Variants in MPDZ observed in about 807,000 individuals in gnomAD.
MPDZ encodes multiple PDZ domain protein.
Under a neutral mutation model 239.1 loss-of-function variants are expected in MPDZ, and 234 were observed. The observed-to-expected ratio is 0.98, with a 90% confidence interval of 0.88 to 1.09. MPDZ has a LOEUF of 1.09. Among genes scored for constraint, MPDZ ranks in the 50% least tolerant of loss-of-function variants. The pLI is 0.00. For missense variants in MPDZ, 3,175 were observed against 2,510.0 expected, an observed-to-expected ratio of 1.26 and a Z score of -5.66; for synonymous variants, 1,048 against 881.3, an observed-to-expected ratio of 1.19 and a Z score of -3.35.
chr9:13,247,905 G>C (rs867136953), intron 2 of MPDZ, 104 bp from the exon 3 acceptor site: 1 of 1,084,622 alleles, frequency 9.2e-7, no homozygotes, highest in Non-Finnish European at 1.3e-6. Context: ...TCTATTGAGT[G>C]CATAAAATTG....
At chr9:13,183,046 A>G (rs1049774385) in intron 19 of MPDZ, among the ~76,000 whole-genome samples, 3 of 152,166 alleles carry the variant, frequency 2.0e-5, no homozygotes, top group Non-Finnish European at 4.4e-5. Flanking sequence ...AACTTTGCAT[A>G]GAAGTCAGTT....
At chr9:13,236,921 G>A (rs1045161361) in intron 3 of MPDZ, among the ~76,000 whole-genome samples, 8 of 150,274 alleles carry the variant, frequency 5.3e-5, no homozygotes, top group East Asian at 3.9e-4. Context: ...TTTCAAATAC[G>A]TTTGATCTTT....
At chr9:13,165,426 C>T (rs968300013) in intron 22 of MPDZ, 65 of 1,548,082 alleles carry the variant, frequency 4.2e-5, no homozygotes, top group South Asian at 8.4e-5. Flanking sequence ...GTGAAGCATA[C>T]GCCGCGGCAT....
Position 13,224,401 on chromosome 9 carries a change from A to G in MPDZ, c.366T>C (p.Phe122=). 1.2e-6 allele frequency: 2 copies of G among 1,612,654 alleles called. No individual in the cohort carries two copies. The highest frequency in any genetic ancestry group is 1.7e-6 in the Non-Finnish European group (2 of 1,179,150). The change falls in exon 4 of 47, where the codon TTT becomes TTC. Residue 122 remains phenylalanine (F), a synonymous_variant. Coordinates refer to ENST00000319217, the MANE Select transcript of MPDZ (RefSeq NM_001378778.1). ...HINGKPACDE[F]DQLIKNMAQG... The stretch of plus-strand genomic sequence containing the variant: ...GGGCCATATTTTTGATAAGCTGATC[A>G]AATTCATCACAAGCAGGTTTCCCAT...
intron 3 of MPDZ, among the ~76,000 whole-genome samples, chr9:13,238,763 T>C (rs1964694590): frequency 1.3e-5 from 2 of 152,112 alleles, no homozygotes; most frequent in Admixed American, 1.3e-4. Context: ...GAGGCAAGAT[T>C]TTCTTCAAAA....
At chr9:13,234,077 A>G (rs1270584661) in intron 3 of MPDZ, among the ~76,000 whole-genome samples, 7 of 152,128 alleles carry the variant, frequency 4.6e-5, no homozygotes, top group Non-Finnish European at 1.0e-4. Flanking sequence ...TTGCATACCA[A>G]ATTCTTTTTT....
chr9:13,149,762 A>G (rs1444027211), intron 25 of MPDZ, among the ~76,000 whole-genome samples: 1 of 152,062 alleles, frequency 6.6e-6, no homozygotes, highest in Non-Finnish European at 1.5e-5. Flanking sequence ...TTTGCTTTGA[A>G]TTAAGAGATT....
At chr9:13,206,777 C>T (rs1400450757) in intron 10 of MPDZ, among the ~76,000 whole-genome samples, 2 of 151,998 alleles carry the variant, frequency 1.3e-5, no homozygotes, top group South Asian at 2.1e-4. Context: ...CTCTTGACCT[C>T]GTGATCTGCC....
intron 12 of MPDZ, among the ~76,000 whole-genome samples, chr9:13,201,995 T>C (rs1956441653): frequency 6.6e-6 from 1 of 152,190 alleles, no homozygotes; most frequent in Admixed American, 6.6e-5. Flanking sequence ...TTGGTTTCTT[T>C]TGGTAGTATC....
rs550687243 is a variant in MPDZ, at chr9:13,116,229, T to C, written c.5380-895A>G. On this transcript the variant is annotated intron_variant, in intron 39 of 46. Transcript: ENST00000319217. ...TAATATGAAGTAGCACAAGAAGGTG[T>C]TTGAGATCCTGTTTTGGAGTCACTG... Among the ~76,000 whole-genome samples, 17 of 152,258 alleles carry C rather than the reference T, an allele frequency of 1.1e-4. No individual in the cohort carries two copies. In the South Asian group the frequency reaches 3.1e-3, roughly 28 times the overall value.
intron 9 of MPDZ, 50 bp downstream of exon 9, chr9:13,217,130 T>C (rs1958446761): frequency 1.7e-6 from 2 of 1,164,802 alleles, no homozygotes; most frequent in Non-Finnish European, 2.5e-6. Flanking sequence ...AAGAGATAGA[T>C]ATCAGAGGTA....
At chr9:13,254,173 G>C (rs1158671599) in intron 1 of MPDZ, among the ~76,000 whole-genome samples, 2 of 152,186 alleles carry the variant, frequency 1.3e-5, no homozygotes, top group African/African-American at 2.4e-5. Flanking sequence ...AAATGGAATA[G>C]ACTGTTGTAG....
In MPDZ at chr9:13,279,614, C is replaced by G. The variant is rs1488080100; in HGVS notation, c.-272G>C. 1 of 149,844 alleles carries G rather than the reference C, an allele frequency of 6.7e-6. No homozygotes were observed. The highest frequency in any genetic ancestry group is 1.5e-5 in the Non-Finnish European group (1 of 67,286). The allele number at this position is 149,844 out of a possible 1,614,324, so 9.3% of individuals were successfully genotyped here. A position where few individuals can be genotyped will look rare whatever the true frequency, so the allele number is the denominator to read the frequency against. ...GGTGGCCCGACGCCAGCCTAGCGCT[C>G]CGCCGCGCCCCCTCCCCCAGCGCGC... On this transcript the variant is annotated 5_prime_UTR_variant, in exon 1 of 47. Coordinates refer to ENST00000319217, the MANE Select transcript of MPDZ (RefSeq NM_001378778.1).
At chr9:13,139,843 A>G (rs1947371797) in intron 28 of MPDZ, 144 bp downstream of exon 28, 1 of 987,662 alleles carries the variant, frequency 1.0e-6, no homozygotes, top group Non-Finnish European at 1.6e-6. Flanking sequence ...TTCAAGCAAA[A>G]CAAACACTAT....
intron 9 of MPDZ, 93 bp downstream of exon 9, chr9:13,217,087 C>A: frequency 1.0e-6 from 1 of 969,468 alleles, no homozygotes; most frequent in African/African-American, 1.7e-5. Context: ...TATCCAACAA[C>A]CTGAAACATG....
At chr9:13,276,445 C>A (rs577522233) in intron 1 of MPDZ, 2 of 152,094 alleles carry the variant, frequency 1.3e-5, no homozygotes, top group East Asian at 1.9e-4. Flanking sequence ...AAAAATGAAA[C>A]CTTTATTGTT....
intron 3 of MPDZ, among the ~76,000 whole-genome samples, chr9:13,241,189 C>A (rs1032579307): frequency 2.6e-5 from 4 of 152,116 alleles, no homozygotes. Flanking sequence ...ATAAACTTTA[C>A]GGTAAATGTA....
chr9:13,233,108 T>G (rs1012226047), intron 3 of MPDZ, among the ~76,000 whole-genome samples: 1 of 152,044 alleles, frequency 6.6e-6, no homozygotes, highest in Non-Finnish European at 1.5e-5. Context: ...CGTGAGAGAG[T>G]TGGACTTATA....
At chr9:13,243,025 A>G (rs544381098) in intron 3 of MPDZ, among the ~76,000 whole-genome samples, 11 of 152,192 alleles carry the variant, frequency 7.2e-5, no homozygotes, top group African/African-American at 2.6e-4. Flanking sequence ...TGCTCTCTCT[A>G]CCTGAAATCA....
Sources: gnomAD v4.1 joint callset for allele counts (sites outside exome capture counted in the v4.1 genomes callset) on GRCh38, gnomAD v4.1.1 for gene constraint, MANE v1.5 for transcripts, NCBI Gene and HGNC (gene_info 2026-07-23, HGNC 2026-07-21) for gene names.